The following PARP2 variants were observed in gnomAD, a reference collection of about 807,000 sequenced individuals.
PARP2 encodes the protein poly [ADP-ribose] polymerase 2.
A neutral mutation model predicts 77.8 loss-of-function variants in PARP2; 57 were observed. That is an observed-to-expected ratio of 0.73 (90% confidence interval 0.59 to 0.91). The LOEUF is 0.91. Ranked by LOEUF, PARP2 falls within the 40% of genes least tolerant of loss-of-function variation. PARP2 has a pLI of 0.00. For missense variants in PARP2, 651 were observed against 689.0 expected, an observed-to-expected ratio of 0.94 and a Z score of 0.62; for synonymous variants, 226 against 242.6, an observed-to-expected ratio of 0.93 and a Z score of 0.64.
intron 4 of PARP2, among the ~76,000 whole-genome samples, chr14:20,348,863 T>A (rs1466937375): frequency 1.3e-5 from 2 of 151,746 alleles, no homozygotes; most frequent in African/African-American, 4.8e-5. Flanking sequence ...CTACTAAAAA[T>A]ACAAAATTAG....
intron 11 of PARP2, 109 bp downstream of exon 11, chr14:20,356,140 A>G (rs932656046): frequency 6.9e-7 from 1 of 1,440,266 alleles, no homozygotes; most frequent in Non-Finnish European, 9.5e-7. Flanking sequence ...ATTAGGGCAG[A>G]CTTTTTATGT....
intron 1 of PARP2, 149 bp from the exon 2 acceptor site, chr14:20,344,783 A>G (rs1883646689): frequency 1.6e-6 from 1 of 614,190 alleles, no homozygotes; most frequent in South Asian, 2.0e-5. Context: ...ACTGCAGTCC[A>G]GCCTGGGCGA....
intron 13 of PARP2, 51 bp downstream of exon 13, chr14:20,356,740 T>A: frequency 7.4e-7 from 1 of 1,349,708 alleles, no homozygotes; most frequent in Non-Finnish European, 1.1e-6. Flanking sequence ...GATACAGTAA[T>A]GTTCTCAGTG....
At chr14:20,345,371 A>G (rs1191356769) in intron 2 of PARP2, 23 bp from the exon 3 acceptor site, 1 of 1,592,944 alleles carries the variant, frequency 6.3e-7, no homozygotes, top group Admixed American at 1.7e-5. Context: ...CCCATAAAGT[A>G]GTACCTATCT....
chr14:20,350,004 G>A (rs986438412), intron 4 of PARP2, among the ~76,000 whole-genome samples: 4 of 152,138 alleles, frequency 2.6e-5, no homozygotes, highest in Admixed American at 6.6e-5. Flanking sequence ...GTGGTTTTGC[G>A]TATCCCTTGT....
chr14:20,350,934 C>A, intron 5 of PARP2, 113 bp from the exon 6 acceptor site: 1 of 789,056 alleles, frequency 1.3e-6, no homozygotes, highest in Non-Finnish European at 2.1e-6. Flanking sequence ...TAAATCCTTT[C>A]ACCTTTCCCT....
At chr14:20,345,202 C>G (rs1883669341) in intron 2 of PARP2, 115 bp downstream of exon 2, 1 of 1,258,358 alleles carries the variant, frequency 7.9e-7, no homozygotes, top group Non-Finnish European at 1.1e-6. Flanking sequence ...TAATTAATTT[C>G]TCTATCCTTT....
rs772059543 is a variant in PARP2 at position 20,355,795 on chromosome 14, G to GA, written c.952dup (p.Ile318AsnfsTer11). On this transcript the variant is annotated frameshift_variant, in exon 10 of 16. Transcript: ENST00000429687. LOFTEE classifies it high-confidence loss of function. ...AATCCGGACACAGAAGGAACTGTCAGAAAAAATACAATTACTAGAGGTGAG... is the reference window on the plus strand; with the variant it reads ...AATCCGGACACAGAAGGAACTGTCAGAAAAAAATACAATTACTAGAGGTGAG... The GA allele has an allele frequency of 5.8e-5, 94 of 1,613,740 alleles. 1 individual carries two copies. In the South Asian group the frequency reaches 6.6e-4, roughly 11 times the overall value.
intron 4 of PARP2, among the ~76,000 whole-genome samples, chr14:20,347,956 C>G (rs946141028): frequency 1.1e-4 from 16 of 151,582 alleles, no homozygotes; most frequent in African/African-American, 3.9e-4. Context: ...CCACTGCAAC[C>G]TTGAACTTCT....
intron 9 of PARP2, 41 bp from the exon 10 acceptor site, chr14:20,355,711 C>A: frequency 1.3e-6 from 2 of 1,521,948 alleles, no homozygotes; most frequent in Non-Finnish European, 1.8e-6. Context: ...CTTTTAGCCA[C>A]ATGTCAGAAA....
Position 20,357,695 on chromosome 14 carries a change from T to C in PARP2, c.1611T>C (p.Asp537=). 8.1e-6 allele frequency: 13 copies of C among 1,613,878 alleles called. No homozygotes were observed. The highest frequency in any genetic ancestry group is 1.0e-5 in the Non-Finnish European group (12 of 1,179,786). Residue 537 remains aspartate, a synonymous_variant, in exon 16 of 16, where the codon GAT becomes GAC. Transcript: ENST00000429687. ...PASDTGILNP[D]GYTLNYNEYI... is the part of the protein sequence containing the mutation. The stretch of plus-strand genomic sequence containing the variant: ...GTGACACAGGAATTCTGAATCCAGA[T>C]GGTTATACCCTCAACTACAATGAAT...
chr14:20,355,760 C>T lies in PARP2; in HGVS notation c.911C>T (p.Thr304Ile), dbSNP rs1368924267. 1.9e-6 allele frequency: 3 copies of T among 1,612,870 alleles called. No individual in the cohort carries two copies. The highest frequency in any genetic ancestry group is 2.5e-6 in the Non-Finnish European group (3 of 1,178,982). Residue 304 changes from threonine (T) to isoleucine (I), a missense_variant, in exon 10 of 16, where the codon ACT (threonine) becomes ATT (isoleucine). Thr to Ile is a moderately conservative substitution (Grantham distance 89). Transcript: ENST00000429687. ...TATATCTCTGTTCTTAGACTCCGTA[C>T]TCCTCCACTAATCCGGACACAGAAG... ...TRIPHDFGLRTPPLIRTQKEL... is the reference protein window; with the variant it reads ...TRIPHDFGLRIPPLIRTQKEL...
chr14:20,355,830 A>T lies in PARP2; in HGVS notation c.966+15A>T, dbSNP rs200410793. 129 of 1,613,156 alleles carry T rather than the reference A, an allele frequency of 8.0e-5. 1 individual carries two copies. The East Asian group carries it at 2.9e-3, about 36-fold the overall frequency. The stretch of plus-strand genomic sequence containing the variant: ...AATTACTAGAGGTGAGATATGTATG[A>T]TTTGAGAAGTATTATATCCCTTATA... On this transcript the variant is annotated intron_variant, in intron 10 of 15. Transcript: ENST00000429687.
At chr14:20,348,441 C>T (rs1264893699) in intron 4 of PARP2, among the ~76,000 whole-genome samples, 1 of 150,340 alleles carries the variant, frequency 6.7e-6, no homozygotes, top group African/African-American at 2.4e-5. Flanking sequence ...CTATGTTGCT[C>T]AGGCTGGCCT....
At chr14:20,351,530 G>C (rs911843353) in intron 6 of PARP2, among the ~76,000 whole-genome samples, 1 of 152,116 alleles carries the variant, frequency 6.6e-6, no homozygotes, top group Non-Finnish European at 1.5e-5. Flanking sequence ...TCGTTTTATA[G>C]GTGTGATTTG....
intron 4 of PARP2, 105 bp downstream of exon 4, chr14:20,347,018 T>G (rs988698344): frequency 5.6e-5 from 41 of 727,566 alleles, no homozygotes; most frequent in Non-Finnish European, 9.3e-5. Context: ...CCCTTTTTTT[T>G]TTTTTTTTAA....
chr14:20,343,754 A>G, intron 1 of PARP2, 67 bp downstream of exon 1: 1 of 1,500,838 alleles, frequency 6.7e-7, no homozygotes. Context: ...GATGCCACCT[A>G]CTGTGACCCC....
Position 20,346,924 on chromosome 14 carries a change from A to T in PARP2, c.324+11A>T. On this transcript the variant is annotated intron_variant, in intron 4 of 15. Coordinates refer to ENST00000429687, the MANE Select transcript of PARP2 (RefSeq NM_001042618.2). ...GTCATGCTAAATCAGGTAAGAGGCA[A>T]GAAGAGGTGGCACCATTATATTTAT... 1.9e-6 allele frequency: 3 copies of T among 1,568,774 alleles called. No individual in the cohort carries two copies. Among genetic ancestry groups the T allele is most frequent in the Non-Finnish European group, 2.6e-6 (3 of 1,139,936 alleles).
intron 7 of PARP2, chr14:20,352,636 T>C: frequency 8.7e-6 from 2 of 230,040 alleles, no homozygotes; most frequent in South Asian, 9.0e-5. Flanking sequence ...AGTCCTCTTG[T>C]CTTGGCCTCC....
Sources: gnomAD v4.1 joint callset for allele counts (sites outside exome capture counted in the v4.1 genomes callset) on GRCh38, gnomAD v4.1.1 for gene constraint, MANE v1.5 for transcripts, NCBI Gene and HGNC (gene_info 2026-07-23, HGNC 2026-07-21) for gene names.